The following ARHGAP44 variants were observed in gnomAD, a reference collection of about 807,000 sequenced individuals.
The protein encoded by ARHGAP44 is Rho GTPase activating protein 44.
A neutral mutation model predicts 106.8 loss-of-function variants in ARHGAP44; 43 were observed. The ratio of observed to expected loss-of-function variants is 0.40; its 90% confidence interval spans 0.32 to 0.52. The LOEUF (loss-of-function observed/expected upper bound fraction) is 0.52. Among genes scored for constraint, ARHGAP44 ranks in the 20% least tolerant of loss-of-function variants. ARHGAP44 has a pLI of 0.48. For missense variants in ARHGAP44, 866 were observed against 1,050.5 expected (o/e 0.82, Z 2.43); for synonymous variants, 439 against 410.3 (o/e 1.07, Z -0.85).
At position 12,974,094 on chromosome 17, in the gene ARHGAP44, G is replaced by A. The variant is rs865953759; in HGVS notation, c.1547G>A (p.Gly516Asp). The A allele has an allele frequency of 1.3e-6, 2 of 1,565,692 alleles. No individual in the cohort carries two copies. Among genetic ancestry groups the A allele is most frequent in the Non-Finnish European group, 1.7e-6 (2 of 1,155,014 alleles). ...KDGLRKIQSM[G>D]VRVMDTNWVA... ...GTCTTTGTGTCCCTCGCCAGCATGG[G>A]TGTGAGGGTCATGGACACAAACTGG... Residue 516 changes from glycine (G) to aspartate (D), a missense_variant, in exon 18 of 21, where the codon GGT becomes GAT. Physicochemically the swap from Gly to Asp is moderately conservative, Grantham distance 94 (BLOSUM62 -1). Transcript: ENST00000379672.
intron 10 of ARHGAP44, among the ~76,000 whole-genome samples, chr17:12,947,602 T>C (rs1461813051): frequency 6.6e-6 from 1 of 152,218 alleles, no homozygotes; most frequent in Non-Finnish European, 1.5e-5. Flanking sequence ...ACTCATTAGC[T>C]AATATAACAA....
rs139890658 is a variant in ARHGAP44 at position 12,951,629 on chromosome 17, A to G, written c.1056-872A>G. ...AATGTGGGTCTCCATTAAGAAATAG[A>G]AATGATCCAGATGACTCAAAGAGGT... On this transcript the variant is annotated intron_variant, in intron 12 of 20. Transcript: ENST00000379672. Among the ~76,000 whole-genome samples, 692 of 152,316 alleles carry G rather than the reference A, an allele frequency of 4.5e-3. 2 individuals carry two copies. Among genetic ancestry groups the G allele is most frequent in the African/African-American group, 0.013 (549 of 41,560 alleles).
chr17:12,868,557 CAAAAAGTCATTT>C (rs143278797), intron 1 of ARHGAP44, among the ~76,000 whole-genome samples: 4,065 of 110,208 alleles, frequency 0.037, 237 homozygotes, highest in African/African-American at 0.13. Flanking sequence ...GCTAAAAAGC[CAAAAAGTCATTT>C]AAAAAGTCAT....
intron 16 of ARHGAP44, 124 bp from the exon 17 acceptor site, chr17:12,973,178 A>G: frequency 1.1e-6 from 1 of 946,098 alleles, no homozygotes; most frequent in Non-Finnish European, 1.6e-6. Context: ...TTTATAGCAC[A>G]ATAAAAATCC....
intron 1 of ARHGAP44, among the ~76,000 whole-genome samples, chr17:12,857,599 T>C (rs773952340): frequency 6.6e-6 from 1 of 152,106 alleles, no homozygotes; most frequent in African/African-American, 2.4e-5. Context: ...CACATGAAAG[T>C]TGGGGAAGAA....
chr17:12,830,480 C>G (rs2035053027), intron 1 of ARHGAP44, among the ~76,000 whole-genome samples: 1 of 152,136 alleles, frequency 6.6e-6, no homozygotes, highest in Admixed American at 6.5e-5. Context: ...TTCAGTGTCT[C>G]ATGGCTCAAA....
intron 1 of ARHGAP44, among the ~76,000 whole-genome samples, chr17:12,879,781 A>G (rs1018268704): frequency 6.6e-6 from 1 of 151,472 alleles, no homozygotes; most frequent in Admixed American, 6.6e-5. Context: ...CTCATCCCCC[A>G]TGCAATTGAA....
intron 10 of ARHGAP44, among the ~76,000 whole-genome samples, chr17:12,944,731 C>T (rs2038805439): frequency 6.6e-6 from 1 of 151,568 alleles, no homozygotes; most frequent in Non-Finnish European, 1.5e-5. Flanking sequence ...CCTTGTGATC[C>T]ACCTGCCATG....
chr17:12,930,732 C>T (rs1304592981), intron 7 of ARHGAP44, among the ~76,000 whole-genome samples: 2 of 152,038 alleles, frequency 1.3e-5, no homozygotes, highest in Non-Finnish European at 2.9e-5. Flanking sequence ...GCTATTGTGC[C>T]AAAAATGTAT....
At chr17:12,968,254 C>T (rs1226160126) in intron 16 of ARHGAP44, among the ~76,000 whole-genome samples, 1 of 152,146 alleles carries the variant, frequency 6.6e-6, no homozygotes, top group Non-Finnish European at 1.5e-5. Flanking sequence ...CACCTTACCA[C>T]GAGCAATTGA....
chr17:12,894,871 G>A (rs1464049040), intron 1 of ARHGAP44, 69 bp from the exon 2 acceptor site: 13 of 1,406,234 alleles, frequency 9.2e-6, no homozygotes, highest in Non-Finnish European at 1.3e-5. Context: ...TAATTGAAGA[G>A]ATTAGGGAGT....
Position 12,958,931 on chromosome 17 carries a change from A to C in ARHGAP44, c.1523+34A>C. The C allele has an allele frequency of 6.3e-7, 1 of 1,581,946 alleles. No individual in the cohort carries two copies. On this transcript the variant is annotated intron_variant, in intron 16 of 20. Coordinates refer to ENST00000379672, the MANE Select transcript of ARHGAP44 (RefSeq NM_014859.6). This position sits in a 1 kb window ranked among gnomAD's most constrained non-coding sequence, Gnocchi z 4.1. ...TGGTGTCTCTTTCTCAGCACTGGGG[A>C]TTAGGGGAGGTGGTGGGGGTGGATG...
At position 12,803,191 on chromosome 17, in the gene ARHGAP44, C is replaced by T. The variant is rs545912389; in HGVS notation, c.53+13300C>T. Among the ~76,000 whole-genome samples the T allele has an allele frequency of 5.3e-5, 8 of 150,710 alleles. No individual in the cohort carries two copies. In the East Asian group the frequency reaches 1.4e-3, roughly 26 times the overall value. ...TTCACTGTGTTGGCCAGGCTGGTCTCGAACTCCTGACCTCAGGTGATCCAC... is the reference window on the plus strand; with the variant it reads ...TTCACTGTGTTGGCCAGGCTGGTCTTGAACTCCTGACCTCAGGTGATCCAC... On this transcript the variant is annotated intron_variant, in intron 1 of 20. Coordinates refer to ENST00000379672, the MANE Select transcript of ARHGAP44 (RefSeq NM_014859.6).
At chr17:12,847,531 T>TTTTTTTTA (rs2035603740) in intron 1 of ARHGAP44, among the ~76,000 whole-genome samples, 2 of 149,768 alleles carry the variant, frequency 1.3e-5, no homozygotes, top group African/African-American at 2.5e-5. Flanking sequence ...TTTTTTTTTT[T>TTTTTTTTA]GAGACGGAGT....
chr17:12,974,279 C>A lies in ARHGAP44; in HGVS notation c.1732C>A (p.Leu578Met). The change falls in exon 18 of 21, where the codon CTG becomes ATG. Residue 578 changes from leucine to methionine, a missense_variant. Coordinates refer to ENST00000379672, the MANE Select transcript of ARHGAP44 (RefSeq NM_014859.6). Reference sequence around the variant, plus strand: ...GGCCCCCGCGCTCTCTCCATCCGGCCTGGGCCTCCAGCCTGGGCCCGAGCG... The same window carrying A: ...GGCCCCCGCGCTCTCTCCATCCGGCATGGGCCTCCAGCCTGGGCCCGAGCG... Reference protein sequence around the residue: ...PAAPALSPSGLGLQPGPERTS... With the variant: ...PAAPALSPSGMGLQPGPERTS... The A allele has an allele frequency of 6.7e-7, 1 of 1,482,102 alleles. No individual in the cohort carries two copies. Among genetic ancestry groups the A allele is most frequent in the South Asian group, 1.4e-5 (1 of 73,562 alleles). 91.8% of individuals were successfully genotyped at this position (1,482,102 alleles called of 1,614,324 possible). A position where few individuals can be genotyped will look rare whatever the true frequency, so the allele number is the denominator to read the frequency against.
chr17:12,810,199 A>G (rs980716598), intron 1 of ARHGAP44, among the ~76,000 whole-genome samples: 1 of 152,220 alleles, frequency 6.6e-6, no homozygotes, highest in African/African-American at 2.4e-5. Flanking sequence ...AGTTTCCCAG[A>G]GCTGCCATAA....
At chr17:12,886,964 G>GTTTTTTT (rs769468845) in intron 1 of ARHGAP44, among the ~76,000 whole-genome samples, 2 of 109,000 alleles carry the variant, frequency 1.8e-5, no homozygotes, top group Admixed American at 1.8e-4. Flanking sequence ...TTTTCTAAGA[G>GTTTTTTT]TTTTTTTTTT....
chr17:12,962,058 GT>G (rs1472985624), intron 16 of ARHGAP44, among the ~76,000 whole-genome samples: 1 of 151,082 alleles, frequency 6.6e-6, no homozygotes, highest in Non-Finnish European at 1.5e-5. Context: ...GTTATTGAAG[GT>G]TTTTGGCCAA....
At chr17:12,794,820 C>T (rs2033871041) in intron 1 of ARHGAP44, among the ~76,000 whole-genome samples, 1 of 152,098 alleles carries the variant, frequency 6.6e-6, no homozygotes, top group South Asian at 2.1e-4. Context: ...TGGTGGGGAG[C>T]CTGGGAACTG....
Sources: allele counts gnomAD v4.1 joint callset (sites outside exome capture counted in the v4.1 genomes callset), GRCh38; gene constraint gnomAD v4.1.1; non-coding constraint Gnocchi (gnomAD v3.1); transcripts MANE v1.5; gene names NCBI Gene and HGNC (gene_info 2026-07-23, HGNC 2026-07-21).